REPS2: variants seen among roughly 807,000 people sequenced by gnomAD.
The protein encoded by REPS2 is RALBP1 associated Eps domain containing 2.
In REPS2, 23 loss-of-function variants were observed where a neutral mutation model predicts 53.6. The ratio of observed to expected loss-of-function variants is 0.43; its 90% CI spans 0.31 to 0.61. The LOEUF is 0.61. Among genes scored for constraint, REPS2 ranks in the 20% least tolerant of loss-of-function variants. The pLI, the probability that REPS2 is intolerant of heterozygous loss-of-function variation, is 0.11. For synonymous variants in REPS2, 238 were observed against 218.6 expected, an observed-to-expected ratio of 1.09 and a Z score of -0.78; for missense variants, 446 against 534.9, an observed-to-expected ratio of 0.83 and a Z score of 1.64.
chrX:17,108,986 C>A (rs1280949684), intron 14 of REPS2, among the ~76,000 whole-genome samples: 4 of 101,889 alleles, frequency 3.9e-5, no homozygotes, highest in African/African-American at 3.6e-5. Flanking sequence ...AAAAAAAAAA[C>A]CCAAATGCAG....
intron 14 of REPS2, among the ~76,000 whole-genome samples, chrX:17,112,965 G>A (rs181370351): frequency 2.3e-3 from 237 of 103,902 alleles, no homozygotes; most frequent in African/African-American, 7.4e-3. Context: ...GGTGGCGGGC[G>A]CCTGTAGTCC....
At chrX:17,119,911 C>T (rs773450026) in intron 14 of REPS2, among the ~76,000 whole-genome samples, 1 of 89,311 alleles carries the variant, frequency 1.1e-5, no homozygotes, top group African/African-American at 4.6e-5. Flanking sequence ...GAGTCTTGCT[C>T]CGTTGCCCAG....
the REPS2 span, among the ~76,000 whole-genome samples, chrX:17,161,938 G>A: frequency 8.9e-6 from 1 of 111,996 alleles, no homozygotes; most frequent in Non-Finnish European, 1.9e-5. Context: ...GATCCTAGAG[G>A]TATAGTGGCT....
chrX:17,132,768 C>T (rs1026720779), intron 14 of REPS2, among the ~76,000 whole-genome samples: 1 of 111,618 alleles, frequency 9.0e-6, no homozygotes, highest in East Asian at 2.8e-4. Flanking sequence ...AAACTCCTGA[C>T]CTCAGGTGAT....
chrX:16,958,047 A>G (rs1023556671), intron 1 of REPS2, among the ~76,000 whole-genome samples: 2 of 112,231 alleles, frequency 1.8e-5, no homozygotes, highest in Admixed American at 9.5e-5. Flanking sequence ...AAACGGAGGC[A>G]CTGAGGGTGA....
At chrX:17,133,722 A>T in intron 14 of REPS2, 102 bp from the exon 15 acceptor site, 1 of 739,248 alleles carries the variant, frequency 1.4e-6, no homozygotes. Context: ...ACTTGGCCTA[A>T]ATCAGTTTTC....
At chrX:17,072,802 G>A (rs979880399) in intron 11 of REPS2, among the ~76,000 whole-genome samples, 1 of 111,804 alleles carries the variant, frequency 8.9e-6, no homozygotes, top group Non-Finnish European at 1.9e-5. Context: ...TCCTGAGGTC[G>A]CTTTCTTTGC....
At chrX:17,121,316 T>C (rs777696834) in intron 14 of REPS2, among the ~76,000 whole-genome samples, 6 of 112,340 alleles carry the variant, frequency 5.3e-5, no homozygotes, top group African/African-American at 1.9e-4. Flanking sequence ...TGGTAAACCT[T>C]CTCCCCTGCG....
chrX:17,050,851 C>T (rs980166700), intron 6 of REPS2, among the ~76,000 whole-genome samples: 4 of 111,694 alleles, frequency 3.6e-5, no homozygotes, highest in Non-Finnish European at 7.5e-5. Context: ...CTTTGAGTTA[C>T]AAACAATCCA....
Position 17,135,496 on chromosome X carries a change from C to A in REPS2, c.1808+90C>A. ...AATGTGTTGACATTTACGTGCGCAC[C>A]AACAGAAGGATTTCATGGTTGTAAG... On this transcript the variant is annotated intron_variant, in intron 16 of 17. Coordinates refer to ENST00000357277, the MANE Select transcript of REPS2 (RefSeq NM_004726.3). 5 of 984,056 alleles carry A rather than the reference C, an allele frequency of 5.1e-6. No individual in the cohort carries two copies. The South Asian group carries it at 1.1e-4, about 23-fold the overall frequency. The allele number at this position is 984,056 out of a possible 1,213,427, so 81.1% of individuals were successfully genotyped here.
chrX:16,967,297 A>G (rs2060782526), intron 1 of REPS2, among the ~76,000 whole-genome samples: 1 of 110,454 alleles, frequency 9.1e-6, no homozygotes, highest in African/African-American at 3.3e-5. Context: ...AATAGAGACC[A>G]TATAGCTCCC....
intron 14 of REPS2, among the ~76,000 whole-genome samples, chrX:17,130,414 TTTGTGAAC>T (rs1412030740): frequency 8.9e-6 from 1 of 111,905 alleles, no homozygotes; most frequent in Non-Finnish European, 1.9e-5. Context: ...TGGGAGGCCC[TTTGTGAAC>T]TTACTTTTGG....
intron 11 of REPS2, 84 bp downstream of exon 11, chrX:17,070,077 C>A: frequency 2.4e-6 from 1 of 423,284 alleles, no homozygotes; most frequent in Non-Finnish European, 3.9e-6. Flanking sequence ...AAGATTGATA[C>A]CTCTGTGATA....
chrX:17,052,488 T>A (rs1340989278), intron 7 of REPS2, 43 bp downstream of exon 7: 7 of 1,010,210 alleles, frequency 6.9e-6, no homozygotes, highest in African/African-American at 5.6e-5. Flanking sequence ...CCATCATCCA[T>A]AACTCATCCT....
the REPS2 span, among the ~76,000 whole-genome samples, chrX:17,162,698 C>G: frequency 8.9e-6 from 1 of 112,755 alleles, no homozygotes; most frequent in Non-Finnish European, 1.9e-5. Flanking sequence ...TGTGTCCTAA[C>G]ATGCACAGAG....
At chrX:17,100,888 G>A (rs1194341146) in intron 13 of REPS2, among the ~76,000 whole-genome samples, 2 of 110,937 alleles carry the variant, frequency 1.8e-5, no homozygotes, top group Admixed American at 1.9e-4. Flanking sequence ...AGACTGCAGT[G>A]TTAATGATCA....
the REPS2 span, among the ~76,000 whole-genome samples, chrX:17,164,477 A>G: frequency 8.9e-6 from 1 of 112,420 alleles, no homozygotes; most frequent in Non-Finnish European, 1.9e-5. Flanking sequence ...TAAGACAGAA[A>G]TTGTTACTGG....
At chrX:17,142,786 G>GT (rs1471748390) in intron 17 of REPS2, among the ~76,000 whole-genome samples, 1 of 111,981 alleles carries the variant, frequency 8.9e-6, no homozygotes, top group African/African-American at 3.2e-5. Context: ...TCGTTCAGCA[G>GT]TTTCCTATGA....
At chrX:16,973,693 A>G (rs1263395870) in intron 1 of REPS2, among the ~76,000 whole-genome samples, 1 of 111,677 alleles carries the variant, frequency 9.0e-6, no homozygotes, top group Non-Finnish European at 1.9e-5. Flanking sequence ...CAAGAATAGT[A>G]CCAGGAAATC....
Sources: allele counts gnomAD v4.1 joint callset (sites outside exome capture counted in the v4.1 genomes callset), GRCh38; gene constraint gnomAD v4.1.1; transcripts MANE v1.5; gene names NCBI Gene and HGNC (gene_info 2026-07-23, HGNC 2026-07-21).